The following INSL6 variants were observed in gnomAD, a reference collection of about 807,000 sequenced individuals.
INSL6 encodes insulin like 6.
A neutral mutation model predicts 9.4 loss-of-function variants in INSL6; 16 were observed. The observed-to-expected ratio is 1.70, with a 90% CI of 1.15 to 2.59. The LOEUF (loss-of-function observed/expected upper bound fraction) is 2.59. INSL6 is among the 30% of genes most tolerant of loss of function. INSL6 has a pLI of 0.00. For missense variants in INSL6, 391 were observed against 257.3 expected, an observed-to-expected ratio of 1.52 and a Z score of -3.56; for synonymous variants, 154 against 96.9, an observed-to-expected ratio of 1.59 and a Z score of -3.46.
the INSL6 span, chr9:5,029,689 A>C: frequency 1.8e-6 from 2 of 1,127,900 alleles, no homozygotes; most frequent in Admixed American, 2.6e-5. Context: ...CGATTTTAAG[A>C]GTTGTTACTT....
chr9:5,089,067 G>A, the INSL6 span, among the ~76,000 whole-genome samples: 1 of 152,282 alleles, frequency 6.6e-6, no homozygotes, highest in East Asian at 1.9e-4. Flanking sequence ...GGAATCCTCA[G>A]CATGTCCCTT....
chr9:5,143,235 A>AT (rs61635617), intron 2 of INSL6, among the ~76,000 whole-genome samples: 2,678 of 144,276 alleles, frequency 0.019, 79 homozygotes, highest in African/African-American at 0.063. Context: ...CTTCTCCTCA[A>AT]TTTTTTTTTT....
At chr9:5,171,061 G>C (rs1408341902) in intron 1 of INSL6, among the ~76,000 whole-genome samples, 1 of 152,100 alleles carries the variant, frequency 6.6e-6, no homozygotes, top group Non-Finnish European at 1.5e-5. Flanking sequence ...CAATATTCCT[G>C]AAGTACACCA....
intron 2 of INSL6, among the ~76,000 whole-genome samples, chr9:5,149,069 A>C (rs1025048732): frequency 1.4e-4 from 21 of 152,178 alleles, no homozygotes; most frequent in African/African-American, 4.3e-4. Context: ...CCCCAAAGTC[A>C]AAGGTCCCTA....
intron 1 of INSL6, among the ~76,000 whole-genome samples, chr9:5,181,342 C>A (rs183308692): frequency 1.3e-3 from 193 of 151,602 alleles, no homozygotes; most frequent in African/African-American, 4.5e-3. Flanking sequence ...AATAAATGAC[C>A]AATTAAATAA....
At chr9:5,007,725 CTTT>C in the INSL6 span, among the ~76,000 whole-genome samples, 2 of 144,566 alleles carry the variant, frequency 1.4e-5, no homozygotes. Flanking sequence ...ATTATATTGT[CTTT>C]TTTTTTTTTG....
the INSL6 span, among the ~76,000 whole-genome samples, chr9:4,997,085 G>A: frequency 1.3e-5 from 2 of 151,726 alleles, no homozygotes; most frequent in African/African-American, 4.8e-5. Flanking sequence ...AGTGCCACTA[G>A]GCCTGGCTAA....
At chr9:5,174,740 C>T (rs1392579572) in intron 1 of INSL6, among the ~76,000 whole-genome samples, 2 of 152,144 alleles carry the variant, frequency 1.3e-5, no homozygotes, top group Non-Finnish European at 1.5e-5. Flanking sequence ...ACCTTACTTC[C>T]TACTCAACAA....
chr9:4,996,005 G>A, the INSL6 span, among the ~76,000 whole-genome samples: 1 of 152,082 alleles, frequency 6.6e-6, no homozygotes, highest in Non-Finnish European at 1.5e-5. Flanking sequence ...GCTACTGAGG[G>A]AAGCTTGTCA....
At chr9:5,017,717 A>C in the INSL6 span, among the ~76,000 whole-genome samples, 1 of 152,222 alleles carries the variant, frequency 6.6e-6, no homozygotes, top group Non-Finnish European at 1.5e-5. Flanking sequence ...TTTTTGAATA[A>C]ATTAATTCTT....
chr9:5,128,221 T>C (rs1239611331), intron 3 of INSL6: 1 of 231,438 alleles, frequency 4.3e-6, no homozygotes, highest in Non-Finnish European at 8.6e-6. Flanking sequence ...AAAGTTGTAC[T>C]GAAGACTTCT....
chr9:5,079,146 T>C, the INSL6 span, among the ~76,000 whole-genome samples: 3 of 152,192 alleles, frequency 2.0e-5, no homozygotes, highest in Non-Finnish European at 4.4e-5. Flanking sequence ...TGGGCAGTAG[T>C]ACAGGAGTAG....
chr9:5,155,026 G>A (rs1428181989), intron 2 of INSL6, among the ~76,000 whole-genome samples: 27 of 151,850 alleles, frequency 1.8e-4, no homozygotes, highest in Middle Eastern at 3.4e-3. Context: ...ACATGCACAC[G>A]TATGTTTATT....
chr9:5,182,441 T>C (rs1332392374), intron 1 of INSL6, among the ~76,000 whole-genome samples: 1 of 152,126 alleles, frequency 6.6e-6, no homozygotes, highest in Non-Finnish European at 1.5e-5. Flanking sequence ...ATAATCACCT[T>C]CTGTAAATTA....
chr9:5,033,952 G>C, the INSL6 span, among the ~76,000 whole-genome samples: 1 of 152,248 alleles, frequency 6.6e-6, no homozygotes, highest in South Asian at 2.1e-4. Flanking sequence ...TGGTAAACTG[G>C]ATAAAGAGTC....
chr9:5,169,824 A>T (rs1252610056), intron 1 of INSL6, among the ~76,000 whole-genome samples: 2 of 152,210 alleles, frequency 1.3e-5, no homozygotes, highest in African/African-American at 4.8e-5. Context: ...TACTATCCTA[A>T]ATATATATGC....
At chr9:5,104,045 G>A in the INSL6 span, among the ~76,000 whole-genome samples, 4 of 152,286 alleles carry the variant, frequency 2.6e-5, no homozygotes, top group African/African-American at 9.6e-5. Context: ...AAAGCTAGCA[G>A]AAGGCAAGAA....
chr9:5,183,689 G>A lies in INSL6; in HGVS notation c.289+1625C>T, dbSNP rs1171178703. 2.0e-5 allele frequency among the ~76,000 whole-genome samples: 3 copies of A among 152,036 alleles called. No individual in the cohort carries two copies. In the East Asian group the frequency reaches 5.8e-4, roughly 29 times the overall value. On this transcript the variant is annotated intron_variant, in intron 1 of 1. Transcript: ENST00000381641. ...AGTGAAAGCACAGTATTTGATGTGA[G>A]AGAAATGCCCACCCAACATAAAGCA... is the stretch of plus-strand genomic sequence containing the variant.
chr9:5,102,910 G>C, the INSL6 span, among the ~76,000 whole-genome samples: 39,952 of 151,828 alleles, frequency 0.26, 5,433 homozygotes, highest in African/African-American at 0.33. Context: ...AACATGGAAA[G>C]GAACAACCAG....
Sources: gnomAD v4.1 joint callset for allele counts (sites outside exome capture counted in the v4.1 genomes callset) on GRCh38, gnomAD v4.1.1 for gene constraint, MANE v1.5 for transcripts, NCBI Gene and HGNC (gene_info 2026-07-23, HGNC 2026-07-21) for gene names.